PPP1R13B: variants seen among roughly 807,000 people sequenced by gnomAD.
PPP1R13B encodes apoptosis-stimulating of p53 protein 1.
Under a neutral mutation model 119.8 loss-of-function variants are expected in PPP1R13B, and 44 were observed. That is an observed-to-expected ratio of 0.37 (90% CI 0.29 to 0.47). The LOEUF is 0.47. Ranked by LOEUF, PPP1R13B falls within the 20% of genes least tolerant of loss-of-function variation. PPP1R13B has a pLI of 0.99. For synonymous variants in PPP1R13B, 542 were observed against 561.5 expected, an observed-to-expected ratio of 0.97 and a Z score of 0.49; for missense variants, 1,227 against 1,413.5, an observed-to-expected ratio of 0.87 and a Z score of 2.12.
At chr14:103,809,387 G>A (rs770575155) in intron 1 of PPP1R13B, among the ~76,000 whole-genome samples, 63 of 151,972 alleles carry the variant, frequency 4.1e-4, no homozygotes, top group Non-Finnish European at 7.5e-4. Context: ...AAAGCATAAC[G>A]CATTTTGAGA....
chr14:103,830,735 C>G (rs2086647254), intron 1 of PPP1R13B, among the ~76,000 whole-genome samples: 1 of 152,118 alleles, frequency 6.6e-6, no homozygotes, highest in Non-Finnish European at 1.5e-5. Flanking sequence ...GGGATTTAAC[C>G]CTTCCATCTC....
intron 1 of PPP1R13B, among the ~76,000 whole-genome samples, chr14:103,838,104 G>A (rs1287807714): frequency 2.0e-5 from 3 of 152,142 alleles, no homozygotes; most frequent in Non-Finnish European, 4.4e-5. Flanking sequence ...GGGCGACAGA[G>A]TGAGACTCCA....
chr14:103,780,842 G>C (rs562853168), intron 3 of PPP1R13B, among the ~76,000 whole-genome samples: 12 of 151,336 alleles, frequency 7.9e-5, no homozygotes, highest in African/African-American at 2.9e-4. Flanking sequence ...AAGAAAAAAA[G>C]AATATTAGTA....
chr14:103,761,808 C>T (rs2151992631), intron 4 of PPP1R13B, among the ~76,000 whole-genome samples: 1 of 151,966 alleles, frequency 6.6e-6, no homozygotes, highest in South Asian at 2.1e-4. Context: ...CTAAATAATG[C>T]TCTATAAGGA....
At chr14:103,848,241 C>T, upstream of PPP1R13B, 1 of 985,280 alleles carries the variant, frequency 1.0e-6, no homozygotes, top group Non-Finnish European at 1.2e-6. Flanking sequence ...CCGCCTAGAA[C>T]CCCGCGCCCA....
chr14:103,752,295 T>C (rs924556514), intron 7 of PPP1R13B, among the ~76,000 whole-genome samples: 2 of 152,164 alleles, frequency 1.3e-5, no homozygotes, highest in East Asian at 1.9e-4. Context: ...ATTCCATTCA[T>C]ATGAAACGTC....
rs551470809 is a variant in PPP1R13B at position 103,738,643 on chromosome 14, G to A, written c.2864+36C>T. On this transcript the variant is annotated intron_variant, in intron 14 of 16. Transcript: ENST00000202556. The surrounding 1 kb of genome is among the most constrained non-coding windows in gnomAD (Gnocchi z 5.6). ...GTTTTCCTTATGCAAAGCAGGGAAA[G>A]TAAATCTGTCCACCCCACACTCCTA... 9 of 1,609,644 alleles carry A rather than the reference G, an allele frequency of 5.6e-6. No individual in the cohort carries two copies. The South Asian group carries it at 9.9e-5, about 18-fold the overall frequency.
intron 9 of PPP1R13B, among the ~76,000 whole-genome samples, chr14:103,743,229 C>A (rs1321152160): frequency 5.9e-5 from 9 of 152,192 alleles, no homozygotes; most frequent in African/African-American, 2.2e-4. Flanking sequence ...TTACATAGAG[C>A]AATAAAAAAG....
intron 7 of PPP1R13B, among the ~76,000 whole-genome samples, chr14:103,750,648 T>C (rs1016005125): frequency 1.3e-5 from 2 of 151,824 alleles, no homozygotes; most frequent in South Asian, 2.1e-4. Flanking sequence ...CTGGCCAACA[T>C]GGTAAAACCC....
chr14:103,799,843 C>A (rs1355002652), intron 1 of PPP1R13B, among the ~76,000 whole-genome samples: 2 of 151,568 alleles, frequency 1.3e-5, no homozygotes, highest in Admixed American at 6.6e-5. Context: ...GTCAGGAGTT[C>A]AAGACCAGCC....
chr14:103,749,001 A>G (rs2084470481), intron 8 of PPP1R13B, among the ~76,000 whole-genome samples: 1 of 152,224 alleles, frequency 6.6e-6, no homozygotes, highest in Admixed American at 6.5e-5. Context: ...ATTAGCAACT[A>G]TCACCTCTAG....
intron 2 of PPP1R13B, chr14:103,797,151 C>T (rs2085779548): frequency 7.4e-6 from 3 of 402,714 alleles, no homozygotes; most frequent in Non-Finnish European, 1.3e-5. Context: ...CAGTCCTGTG[C>T]AATATAATTA....
chr14:103,758,435 C>G (rs1199432542), intron 4 of PPP1R13B, among the ~76,000 whole-genome samples: 1 of 152,184 alleles, frequency 6.6e-6, no homozygotes, highest in Non-Finnish European at 1.5e-5. Context: ...GATAAGAAAA[C>G]AAGCACAGGG....
Position 103,735,125 on chromosome 14 carries a change from C to G in PPP1R13B, c.*29G>C. Reference sequence around the variant, plus strand: ...CTCTTAAGTGGCTCCTGGTAGCTGGCAAGACCATGCGGTGCTCCAAAAGGA... The same window carrying G: ...CTCTTAAGTGGCTCCTGGTAGCTGGGAAGACCATGCGGTGCTCCAAAAGGA... On this transcript the variant is annotated 3_prime_UTR_variant, in exon 17 of 17. Transcript: ENST00000202556. 6.2e-7 allele frequency: 1 copy of G among 1,613,794 alleles called. No individual in the cohort carries two copies. The highest frequency in any genetic ancestry group is 1.1e-5 in the South Asian group (1 of 91,078).
intron 8 of PPP1R13B, chr14:103,747,497 G>A (rs972634026): frequency 6.6e-6 from 1 of 152,022 alleles, no homozygotes; most frequent in Non-Finnish European, 1.5e-5. Flanking sequence ...TGCTGAAAAG[G>A]TATTTTCCAG....
chr14:103,754,085 T>C lies in PPP1R13B; in HGVS notation c.616A>G (p.Met206Val). 6.2e-7 allele frequency: 1 copy of C among 1,614,040 alleles called. No homozygotes were observed. Among genetic ancestry groups the C allele is most frequent in the Non-Finnish European group, 8.5e-7 (1 of 1,179,986 alleles). The change falls in exon 6 of 17, where the codon ATG (methionine) becomes GTG (valine). Residue 206 changes from methionine to valine, a missense_variant. By Grantham distance (21) the Met-to-Val change is conservative (BLOSUM62 1). Transcript: ENST00000202556. The stretch of plus-strand genomic sequence containing the variant: ...AGGCACGTACACAGATTGCCGTTCA[T>C]GATTTTGCTGTAGTCGACTTGTCCT... ...MRGQVDYSKI[M>V]NGNLSAEIER... is the part of the protein sequence containing the mutation.
intron 3 of PPP1R13B, among the ~76,000 whole-genome samples, chr14:103,779,921 G>T (rs569142482): frequency 6.7e-6 from 1 of 150,354 alleles, no homozygotes; most frequent in African/African-American, 2.5e-5. Flanking sequence ...AGGCTGAGGC[G>T]GACAGGCTGC....
chr14:103,820,349 T>C (rs2086378324), intron 1 of PPP1R13B, among the ~76,000 whole-genome samples: 1 of 152,192 alleles, frequency 6.6e-6, no homozygotes, highest in Non-Finnish European at 1.5e-5. Context: ...TTTTGTTTTA[T>C]CATCTTTCTA....
rs1045224790 is a variant in PPP1R13B at position 103,846,830 on chromosome 14, A to C, written c.9+469T>G. ...CTAAGATGGCTCTCCAAATCCGTGC[A>C]CTCGGCACCTTTCCTCAGTACAACC... On this transcript the variant is annotated intron_variant, in intron 1 of 16. Coordinates refer to ENST00000202556, the MANE Select transcript of PPP1R13B (RefSeq NM_015316.3). The C allele has an allele frequency of 1.3e-5, 6 of 469,874 alleles. No homozygotes were observed. In the Admixed American group the frequency reaches 1.4e-4, roughly 11 times the overall value. 29.1% of individuals were successfully genotyped at this position (469,874 alleles called of 1,614,324 possible). A position where few individuals can be genotyped will look rare whatever the true frequency, so the allele number is the denominator to read the frequency against.
Sources: gnomAD v4.1 joint callset for allele counts (sites outside exome capture counted in the v4.1 genomes callset) on GRCh38, gnomAD v4.1.1 for gene constraint, Gnocchi (gnomAD v3.1) non-coding constraint, MANE v1.5 for transcripts, NCBI Gene and HGNC (gene_info 2026-07-23, HGNC 2026-07-21) for gene names.